RPS6KA3: variants seen among roughly 807,000 people sequenced by gnomAD.
RPS6KA3 encodes the protein ribosomal protein S6 kinase alpha-3.
Under a neutral mutation model 67.2 loss-of-function variants are expected in RPS6KA3, and 4 were observed. The ratio of observed to expected loss-of-function variants is 0.06; its 90% CI spans 0.03 to 0.14. RPS6KA3 has a LOEUF of 0.14. Ranked by LOEUF, RPS6KA3 falls within the 10% of genes least tolerant of loss-of-function variation. The pLI is 1.00. For synonymous variants in RPS6KA3, 182 were observed against 183.7 expected (o/e 0.99, Z 0.07); for missense variants, 204 against 559.0 (o/e 0.36, Z 6.40).
intron 7 of RPS6KA3, among the ~76,000 whole-genome samples, chrX:20,190,884 A>G (rs1234368229): frequency 1.1e-5 from 1 of 92,953 alleles, no homozygotes; most frequent in Non-Finnish European, 2.2e-5. Flanking sequence ...TTTTTTTTTT[A>G]TTATGCTTTA....
chrX:20,243,491 T>C lies in RPS6KA3; in HGVS notation c.70-8677A>G, dbSNP rs547128874. On this transcript the variant is annotated intron_variant, in intron 1 of 21. Coordinates refer to ENST00000379565, the MANE Select transcript of RPS6KA3 (RefSeq NM_004586.3). Reference sequence around the variant, plus strand: ...TCTAATTCTAAAACCCCTACTCTTTTGTTTTTTGTTTTGAGATGGAATCTG... The same window carrying C: ...TCTAATTCTAAAACCCCTACTCTTTCGTTTTTTGTTTTGAGATGGAATCTG... 1.8e-4 allele frequency among the ~76,000 whole-genome samples: 20 copies of C among 110,726 alleles called. No individual in the cohort carries two copies. The South Asian group carries it at 6.9e-3, about 38-fold the overall frequency.
chrX:20,177,292 T>C (rs1228421907), intron 10 of RPS6KA3, among the ~76,000 whole-genome samples: 3 of 112,396 alleles, frequency 2.7e-5, no homozygotes, highest in Non-Finnish European at 3.8e-5. Flanking sequence ...TCCAGGATAT[T>C]GACATGGAGA....
chrX:20,196,967 G>C (rs1181683015), intron 4 of RPS6KA3, among the ~76,000 whole-genome samples: 1 of 111,632 alleles, frequency 9.0e-6, no homozygotes, highest in African/African-American at 3.3e-5. Flanking sequence ...AGCTTCCCGA[G>C]CAGCTGGGAT....
At chrX:20,249,260 A>G (rs2069793081) in intron 1 of RPS6KA3, among the ~76,000 whole-genome samples, 1 of 112,279 alleles carries the variant, frequency 8.9e-6, no homozygotes, top group Non-Finnish European at 1.9e-5. Flanking sequence ...GTACAAATAA[A>G]GCTGCTAGGA....
intron 20 of RPS6KA3, among the ~76,000 whole-genome samples, chrX:20,156,895 G>GA (rs11309187): frequency 4.8e-5 from 5 of 104,961 alleles, no homozygotes; most frequent in Admixed American, 2.1e-4. Context: ...TGGTAATACT[G>GA]AAAAAAAAAA....
chrX:20,167,607 T>C lies in RPS6KA3; in HGVS notation c.1584A>G (p.Glu528=). 8.3e-7 allele frequency: 1 copy of C among 1,210,829 alleles called. No individual in the cohort carries two copies. The highest frequency in any genetic ancestry group is 1.1e-6 in the Non-Finnish European group (1 of 894,692). Reference sequence around the variant, plus strand: ...GACTTACCCCTTGTGCGTGAAGATATTCAACGGTTTTAGTTATAGTGAACA... The same window carrying C: ...GACTTACCCCTTGTGCGTGAAGATACTCAACGGTTTTAGTTATAGTGAACA... The part of the protein sequence containing the change: ...AVLFTITKTV[E]YLHAQGVVHR... Residue 528 remains glutamate, a synonymous_variant, in exon 17 of 22, where the codon GAA becomes GAG. Coordinates refer to ENST00000379565, the MANE Select transcript of RPS6KA3 (RefSeq NM_004586.3).
intron 1 of RPS6KA3, among the ~76,000 whole-genome samples, chrX:20,254,673 C>T (rs1035039066): frequency 2.7e-5 from 3 of 112,013 alleles, no homozygotes; most frequent in African/African-American, 9.8e-5. Context: ...AACTTAAGTC[C>T]CTAAAACGGT....
At chrX:20,204,303 AT>A (rs2068518758) in intron 3 of RPS6KA3, among the ~76,000 whole-genome samples, 200 bp from the exon 4 acceptor site, 1 of 111,852 alleles carries the variant, frequency 8.9e-6, no homozygotes, top group East Asian at 2.8e-4. Context: ...AAGGGAATAC[AT>A]TTTTTTCATT....
intron 10 of RPS6KA3, 123 bp from the exon 11 acceptor site, chrX:20,177,207 C>T: frequency 1.9e-6 from 1 of 518,179 alleles, no homozygotes. Flanking sequence ...AGAAATAATA[C>T]AGAGAGATCC....
At chrX:20,232,531 C>T (rs1340047966) in intron 2 of RPS6KA3, among the ~76,000 whole-genome samples, 1 of 111,379 alleles carries the variant, frequency 9.0e-6, no homozygotes, top group Non-Finnish European at 1.9e-5. Context: ...GAGGTAGTGC[C>T]ACTGCACTCC....
chrX:20,173,901 C>T (rs140825811), intron 14 of RPS6KA3, among the ~76,000 whole-genome samples: 1 of 112,516 alleles, frequency 8.9e-6, no homozygotes, highest in Non-Finnish European at 1.9e-5. Flanking sequence ...AAAGATATAT[C>T]GAGTTCCCTT....
chrX:20,189,249 T>C (rs1432936407), intron 7 of RPS6KA3, among the ~76,000 whole-genome samples: 1 of 112,088 alleles, frequency 8.9e-6, no homozygotes, highest in Non-Finnish European at 1.9e-5. Flanking sequence ...CAATAAACTG[T>C]GAGCTCCTAG....
At chrX:20,186,425 G>T in intron 9 of RPS6KA3, 59 bp from the exon 10 acceptor site, 5 of 647,737 alleles carry the variant, frequency 7.7e-6, no homozygotes, top group South Asian at 2.5e-5. Flanking sequence ...CTGAAGGCCA[G>T]AAGGTAAAAA....
chrX:20,215,061 C>G (rs972325111), intron 2 of RPS6KA3, among the ~76,000 whole-genome samples: 1 of 110,868 alleles, frequency 9.0e-6, no homozygotes, highest in Admixed American at 9.6e-5. Context: ...CTGCCTTGGC[C>G]TCCCAAAGTG....
intron 17 of RPS6KA3, among the ~76,000 whole-genome samples, chrX:20,167,359 A>T (rs1485070774): frequency 8.9e-6 from 1 of 111,774 alleles, no homozygotes; most frequent in Non-Finnish European, 1.9e-5. Flanking sequence ...GTCGGAAGAG[A>T]TCACTTACTT....
At chrX:20,197,025 A>C (rs866628127) in intron 4 of RPS6KA3, among the ~76,000 whole-genome samples, 2 of 111,840 alleles carry the variant, frequency 1.8e-5, no homozygotes, top group Non-Finnish European at 3.8e-5. Flanking sequence ...TTTGTGGTAG[A>C]GACGGGGTTT....
intron 17 of RPS6KA3, among the ~76,000 whole-genome samples, 183 bp from the exon 18 acceptor site, chrX:20,165,243 G>C (rs1279015611): frequency 8.9e-6 from 1 of 111,733 alleles, no homozygotes; most frequent in Non-Finnish European, 1.9e-5. Flanking sequence ...CGGGGGCAAG[G>C]AGGAGGAGGA....
intron 1 of RPS6KA3, among the ~76,000 whole-genome samples, chrX:20,244,722 A>T (rs1234574255): frequency 8.9e-6 from 1 of 112,584 alleles, no homozygotes; most frequent in African/African-American, 3.2e-5. Flanking sequence ...ACGTACAAGC[A>T]TCTAGCTATG....
At chrX:20,181,821 A>G (rs1422410018) in intron 10 of RPS6KA3, among the ~76,000 whole-genome samples, 1 of 111,658 alleles carries the variant, frequency 9.0e-6, no homozygotes, top group African/African-American at 3.2e-5. Context: ...AAAGAAGCCA[A>G]AAAAGTAGTA....
Sources: gnomAD v4.1 joint callset for allele counts (sites outside exome capture counted in the v4.1 genomes callset) on GRCh38, gnomAD v4.1.1 for gene constraint, MANE v1.5 for transcripts, NCBI Gene and HGNC (gene_info 2026-07-23, HGNC 2026-07-21) for gene names.